P2RY8: variants seen among roughly 807,000 people sequenced by gnomAD.
P2RY8 encodes the protein P2Y receptor family member 8, also known as S-geranylgeranyl-glutathione receptor P2RY8.
Under a neutral mutation model 10.0 loss-of-function variants are expected in P2RY8, and 6 were observed. The observed-to-expected ratio is 0.60, with a 90% confidence interval of 0.33 to 1.19. The LOEUF is 1.19. Ranked by LOEUF, P2RY8 falls within the 50% of genes most tolerant of loss-of-function variation. P2RY8 has a pLI of 0.04. For synonymous variants in P2RY8, 276 were observed against 252.5 expected (o/e 1.09, Z -0.88); for missense variants, 456 against 542.0 (o/e 0.84, Z 1.58).
chrX:1,527,748 C>G (rs754245078), intron 1 of P2RY8, among the ~76,000 whole-genome samples: 5 of 152,166 alleles, frequency 3.3e-5, no homozygotes, highest in Admixed American at 6.5e-5. Flanking sequence ...CATTCATCCA[C>G]TCTTCATTCA....
chrX:1,498,815 G>T (rs1391515437), intron 1 of P2RY8, among the ~76,000 whole-genome samples: 2 of 151,268 alleles, frequency 1.3e-5, no homozygotes, highest in East Asian at 3.9e-4. Flanking sequence ...TGGGATGACA[G>T]GTGCGAACCA....
intron 1 of P2RY8, among the ~76,000 whole-genome samples, chrX:1,513,121 A>G (rs1223353096): frequency 6.8e-6 from 1 of 147,802 alleles, no homozygotes; most frequent in African/African-American, 2.5e-5. Flanking sequence ...AACATGCGGC[A>G]TTTCATTTTC....
At chrX:1,499,845 GTTT>G (rs2092156981) in intron 1 of P2RY8, among the ~76,000 whole-genome samples, 1 of 100,140 alleles carries the variant, frequency 1.0e-5, no homozygotes, top group African/African-American at 3.4e-5. Context: ...CTGTTTTTTT[GTTT>G]TGTTTTGTTT....
Position 1,465,692 on chromosome X carries a change from G to A in P2RY8, c.867C>T (p.Asp289=). ...GGGACGCAAAGTAATAAACAAACGG[G>A]TCCAGACAGTTGTTGAGGCAGCTGA... is the stretch of plus-strand genomic sequence containing the variant. ...LCLSCLNNCL[D]PFVYYFASRE... Residue 289 remains aspartate, a synonymous_variant, in exon 2 of 2, where the codon GAC becomes GAT. Transcript: ENST00000381297. 6.2e-7 allele frequency: 1 copy of A among 1,613,752 alleles called. No homozygotes were observed. Among genetic ancestry groups the A allele is most frequent in the Non-Finnish European group, 8.5e-7 (1 of 1,179,850 alleles).
rs1411730595 is a variant in P2RY8, at chrX:1,465,422, ATGCGCCCCTGGATCTCCAAGC to A, written c.*36_*56del. The stretch of plus-strand genomic sequence containing the variant: ...GAACCTCTGGCACCGTGGCCTCTCC[ATGCGCCCCTGGATCTCCAAGC>A]TGCGCCCCCGGCTCTCCAAGCTGCG... On this transcript the variant is annotated 3_prime_UTR_variant, in exon 2 of 2. Coordinates refer to ENST00000381297, the MANE Select transcript of P2RY8 (RefSeq NM_178129.5). The A allele has an allele frequency of 5.8e-6, 9 of 1,540,214 alleles. No homozygotes were observed. The highest frequency in any genetic ancestry group is 1.3e-5 in the South Asian group (1 of 79,834).
rs1176311193 is a variant in P2RY8, at chrX:1,463,816, C to T, written c.*1663G>A. The T allele has an allele frequency of 8.6e-6, 2 of 233,164 alleles. No homozygotes were observed. The highest frequency in any genetic ancestry group is 2.2e-5 in the African/African-American group (1 of 45,322). 14.4% of individuals were successfully genotyped at this position (233,164 alleles called of 1,614,324 possible). On this transcript the variant is annotated 3_prime_UTR_variant, in exon 2 of 2. Coordinates refer to ENST00000381297, the MANE Select transcript of P2RY8 (RefSeq NM_178129.5). ...CTCTGCCTCTGTCTTTATGTGGCCTCCTGCTTTGTGTCTGTGTCTCCTCTT... is the reference window on the plus strand; with the variant it reads ...CTCTGCCTCTGTCTTTATGTGGCCTTCTGCTTTGTGTCTGTGTCTCCTCTT...
At position 1,463,824 on chromosome X, in the gene P2RY8, G is replaced by T. The variant is rs1247944113; in HGVS notation, c.*1655C>A. 8.6e-6 allele frequency: 2 copies of T among 233,118 alleles called. No homozygotes were observed. Among genetic ancestry groups the T allele is most frequent in the Non-Finnish European group, 1.7e-5 (2 of 118,080 alleles). 14.4% of individuals were successfully genotyped at this position (233,118 alleles called of 1,614,324 possible). ...CTGTCTTTATGTGGCCTCCTGCTTT[G>T]TGTCTGTGTCTCCTCTTCCGTCTCT... On this transcript the variant is annotated 3_prime_UTR_variant, in exon 2 of 2. Transcript: ENST00000381297.
chrX:1,472,331 C>T (rs373195018), intron 1 of P2RY8, among the ~76,000 whole-genome samples: 14 of 150,612 alleles, frequency 9.3e-5, no homozygotes, highest in Non-Finnish European at 1.6e-4. Flanking sequence ...AAGACAGAGA[C>T]GAGAGTGGAT....
At chrX:1,496,835 T>C (rs2092121720) in intron 1 of P2RY8, among the ~76,000 whole-genome samples, 1 of 39,128 alleles carries the variant, frequency 2.6e-5, no homozygotes, top group Non-Finnish European at 4.4e-5. Flanking sequence ...GTAGCTGGGA[T>C]GACAGGCACC....
intron 1 of P2RY8, among the ~76,000 whole-genome samples, chrX:1,514,883 TCTCCCCTCCCCTTCCC>T (rs201718227): frequency 0.15 from 3,942 of 25,806 alleles, 448 homozygotes; most frequent in African/African-American, 0.18. Flanking sequence ...CCTGTCTTCC[TCTCCCCTCCCCTTCCC>T]CTCCCCTCCC....
intron 1 of P2RY8, among the ~76,000 whole-genome samples, chrX:1,494,888 T>G (rs1455711651): frequency 2.8e-5 from 2 of 71,310 alleles, no homozygotes; most frequent in East Asian, 9.2e-4. Flanking sequence ...TTTTTTTGTA[T>G]TTTTTTTTTA....
Position 1,466,490 on chromosome X carries a change from C to G in P2RY8, c.69G>C (p.Ala23=), listed in dbSNP as rs143062499. The change falls in exon 2 of 2, where the codon GCG becomes GCC. Residue 23 remains alanine, a synonymous_variant. Coordinates refer to ENST00000381297, the MANE Select transcript of P2RY8 (RefSeq NM_178129.5). Reference sequence around the variant, plus strand: ...GCGAGTACACCACGGGCAGGGCCACCGCGATCGCCGGGTTCCGCAGCATCT... The same window carrying G: ...GCGAGTACACCACGGGCAGGGCCACGGCGATCGCCGGGTTCCGCAGCATCT... The part of the protein sequence containing the change: ...TLQMLRNPAI[A]VALPVVYSLV... The G allele has an allele frequency of 3.1e-6, 5 of 1,611,270 alleles. No individual in the cohort carries two copies. In the Admixed American group the frequency reaches 5.0e-5, roughly 16 times the overall value.
intron 1 of P2RY8, among the ~76,000 whole-genome samples, chrX:1,533,662 A>G (rs1397184189): frequency 2.4e-5 from 3 of 126,758 alleles, no homozygotes; most frequent in African/African-American, 3.1e-5. Context: ...CATATTTATT[A>G]TTTAAATATA....
intron 1 of P2RY8, among the ~76,000 whole-genome samples, chrX:1,512,078 G>C (rs1466794805): frequency 6.6e-6 from 1 of 151,948 alleles, no homozygotes; most frequent in Non-Finnish European, 1.5e-5. Flanking sequence ...CTGGCGGGGG[G>C]GTCTCCTGTC....
At chrX:1,487,882 G>A (rs1180153480) in intron 1 of P2RY8, among the ~76,000 whole-genome samples, 6 of 152,056 alleles carry the variant, frequency 3.9e-5, no homozygotes, top group East Asian at 1.9e-4. Flanking sequence ...AGGCCGAGGC[G>A]GGTGGATCAC....
intron 1 of P2RY8, among the ~76,000 whole-genome samples, chrX:1,479,482 A>T (rs1310217969): frequency 1.3e-5 from 2 of 152,262 alleles, no homozygotes; most frequent in African/African-American, 2.4e-5. Context: ...AATGGAATGC[A>T]TGTATTAGAA....
chrX:1,507,467 T>A (rs780980925), intron 1 of P2RY8, among the ~76,000 whole-genome samples: 5 of 152,100 alleles, frequency 3.3e-5, no homozygotes, highest in Non-Finnish European at 7.4e-5. Flanking sequence ...TAGCTGAAAA[T>A]CATCACTGAG....
rs1569538160 is a variant in P2RY8 at position 1,509,800 on chromosome X, TCTATCTATCTATCTATCTA to T, written c.-25+27102_-25+27120del. Among the ~76,000 whole-genome samples, 22 of 108,232 alleles carry T rather than the reference TCTATCTATCTATCTATCTA, an allele frequency of 2.0e-4. No homozygotes were observed. In the South Asian group the frequency reaches 3.0e-3, roughly 15 times the overall value. The allele number at this position is 108,232 out of a possible 152,430, so 71.0% of individuals were successfully genotyped here. On this transcript the variant is annotated intron_variant, in intron 1 of 1. Transcript: ENST00000381297. ...ATCTATCATCTATGTATCCATCCTA[TCTATCTATCTATCTATCTA>T]TCTATCTATCTATCTATCTCTATTA...
chrX:1,504,208 C>T (rs1221475852), intron 1 of P2RY8, among the ~76,000 whole-genome samples: 2 of 151,556 alleles, frequency 1.3e-5, no homozygotes, highest in African/African-American at 4.8e-5. Context: ...CCCAGCTACT[C>T]GGGAGGCTGA....
Sources: allele counts gnomAD v4.1 joint callset (sites outside exome capture counted in the v4.1 genomes callset), GRCh38; gene constraint gnomAD v4.1.1; transcripts MANE v1.5; gene names NCBI Gene and HGNC (gene_info 2026-07-23, HGNC 2026-07-21).